NUP210L: variants seen among roughly 807,000 people sequenced by gnomAD.
NUP210L encodes the protein nucleoporin 210 like, also known as nuclear pore membrane glycoprotein 210-like.
NUP210L carries 74 observed loss-of-function variants against 208.5 expected under a neutral mutation model. That is an observed-to-expected ratio of 0.35 (90% CI 0.29 to 0.43). The LOEUF (loss-of-function observed/expected upper bound fraction) is 0.43. NUP210L is among the 20% of genes least tolerant of loss of function. The pLI is 1.00. For synonymous variants in NUP210L, 780 were observed against 816.9 expected (o/e 0.95, Z 0.77); for missense variants, 1,843 against 2,289.4 (o/e 0.81, Z 3.98).
exon 36 of NUP210L, chr1:154,001,826 T>G: frequency 6.2e-7 from 1 of 1,614,158 alleles, no homozygotes; most frequent in Non-Finnish European, 8.5e-7. Flanking sequence ...CTGGTTAATA[T>G]AAAAGGCTGG....
At chr1:154,001,407 A>C (rs1650205162) in intron 36 of NUP210L, among the ~76,000 whole-genome samples, 1 of 152,180 alleles carries the variant, frequency 6.6e-6, no homozygotes. Context: ...CATGTTGGCC[A>C]GGATGGTCTT....
chr1:154,100,919 T>A (rs1473215673), intron 13 of NUP210L, among the ~76,000 whole-genome samples: 1 of 152,012 alleles, frequency 6.6e-6, no homozygotes, highest in African/African-American at 2.4e-5. Context: ...ATGCCTATAA[T>A]CCCAACACTT....
exon 22 of NUP210L, chr1:154,058,193 T>C (rs1218243950): frequency 6.2e-7 from 1 of 1,614,014 alleles, no homozygotes; most frequent in Admixed American, 1.7e-5. Flanking sequence ...TCACAGTCAC[T>C]AACACAGTTT....
intron 10 of NUP210L, among the ~76,000 whole-genome samples, chr1:154,125,538 C>T (rs1163397957): frequency 3.3e-5 from 5 of 149,706 alleles, no homozygotes; most frequent in African/African-American, 1.2e-4. Flanking sequence ...GGGAGGATTG[C>T]TTGAGCCTGG....
chr1:154,144,466 C>T (rs1475175184), intron 2 of NUP210L, among the ~76,000 whole-genome samples: 1 of 152,056 alleles, frequency 6.6e-6, no homozygotes, highest in Non-Finnish European at 1.5e-5. Context: ...TGGGAACCAC[C>T]GTATTAGATC....
chr1:154,058,614 T>C lies in NUP210L; in HGVS notation c.2930A>G (p.His977Arg), dbSNP rs148883673. Reference sequence around the variant, plus strand: ...CTCTTGTATGTCTGACACCCTGAGGTGGGCTGTTGCTGGACCCAAGAAAGC... The same window carrying C: ...CTCTTGTATGTCTGACACCCTGAGGCGGGCTGTTGCTGGACCCAAGAAAGC... The change falls in exon 21 of 40, where the codon CAC becomes CGC. Residue 977 changes from histidine (H) to arginine (R), a missense_variant. His to Arg is a conservative substitution (Grantham distance 29). Transcript: ENST00000368559. 4.8e-5 allele frequency: 78 copies of C among 1,614,030 alleles called. No homozygotes were observed. The Admixed American group carries it at 1.3e-3, about 26-fold the overall frequency.
intron 12 of NUP210L, among the ~76,000 whole-genome samples, chr1:154,113,245 C>T (rs1288312484): frequency 6.8e-6 from 1 of 147,944 alleles, no homozygotes; most frequent in Admixed American, 6.8e-5. Flanking sequence ...TACACATGAA[C>T]ATATATAAAT....
intron 9 of NUP210L, 53 bp from the exon 10 acceptor site, chr1:154,126,516 A>C (rs1055616034): frequency 1.9e-5 from 28 of 1,482,814 alleles, no homozygotes; most frequent in Non-Finnish European, 2.5e-5. Flanking sequence ...CTTTCCCTGA[A>C]GTCATCTTAA....
Position 154,104,103 on chromosome 1 carries a change from C to T in NUP210L, c.1728G>A (p.Glu576=), listed in dbSNP as rs529694201. The change falls in exon 13 of 40, where the codon GAG becomes GAA. Residue 576 remains glutamate, a synonymous_variant. Coordinates refer to ENST00000368559, the Ensembl canonical transcript of NUP210L. ...CTGTGAATGCCATGGCTTCTTTGGT[C>T]TCTTTATTTATGTGATACATTGCAA... 2.5e-6 allele frequency: 4 copies of T among 1,614,026 alleles called. No individual in the cohort carries two copies. In the Admixed American group the frequency reaches 5.0e-5, roughly 20 times the overall value.
At position 154,134,741 on chromosome 1, in the gene NUP210L, A is replaced by AAAAAG. The variant is rs1482031599; in HGVS notation, c.1009+1072_1009+1073insCTTTT. On this transcript the variant is annotated intron_variant, in intron 7 of 39. Transcript: ENST00000368559. Reference sequence around the variant, plus strand: ...GACAGCGAGACTCCGTCTCAAAAAAAAAAAAAAAAAAAAGATGGAGTTTTG... The same window carrying AAAAAG: ...GACAGCGAGACTCCGTCTCAAAAAAAAAAAGAAAAAAAAAAAAAGATGGAGTTTTG... Among the ~76,000 whole-genome samples, 28 of 148,168 alleles carry AAAAAG rather than the reference A, an allele frequency of 1.9e-4. 1 individual carries two copies. The highest frequency in any genetic ancestry group is 6.2e-4 in the African/African-American group (25 of 40,422).
At chr1:153,993,788 C>T (rs1649642870) in intron 38 of NUP210L, among the ~76,000 whole-genome samples, 1 of 152,080 alleles carries the variant, frequency 6.6e-6, no homozygotes, top group South Asian at 2.1e-4. Context: ...ATTCCAGCTA[C>T]TCGAGAGGCT....
At chr1:154,077,566 C>A in intron 16 of NUP210L, among the ~76,000 whole-genome samples, 1 of 151,920 alleles carries the variant, frequency 6.6e-6, no homozygotes, top group East Asian at 1.9e-4. Flanking sequence ...AATGAAAGGT[C>A]ACTAGACAAT....
chr1:154,050,270 C>G (rs1042201074), intron 25 of NUP210L, among the ~76,000 whole-genome samples: 1 of 152,170 alleles, frequency 6.6e-6, no homozygotes, highest in Non-Finnish European at 1.5e-5. Context: ...ATATGACCTG[C>G]TCTAGGCATT....
chr1:154,007,964 T>C (rs982085703), intron 35 of NUP210L, among the ~76,000 whole-genome samples: 1 of 150,530 alleles, frequency 6.6e-6, no homozygotes, highest in Non-Finnish European at 1.5e-5. Flanking sequence ...CTCTGCCTCC[T>C]GGATTCAAGT....
At chr1:154,029,130 G>A (rs1652070519) in intron 28 of NUP210L, among the ~76,000 whole-genome samples, 3 of 151,528 alleles carry the variant, frequency 2.0e-5, no homozygotes, top group Non-Finnish European at 2.9e-5. Flanking sequence ...TGTAATCCCA[G>A]CACTTTGGGA....
intron 10 of NUP210L, among the ~76,000 whole-genome samples, chr1:154,124,268 T>C (rs904209345): frequency 1.3e-5 from 2 of 149,938 alleles, no homozygotes; most frequent in Non-Finnish European, 3.0e-5. Flanking sequence ...GCATTTAGAA[T>C]TGACATGGCA....
At chr1:154,067,007 A>G (rs1435456139) in intron 17 of NUP210L, among the ~76,000 whole-genome samples, 1 of 152,216 alleles carries the variant, frequency 6.6e-6, no homozygotes, top group Admixed American at 6.5e-5. Flanking sequence ...GAATTCTACC[A>G]GAGGTACAAG....
intron 14 of NUP210L, among the ~76,000 whole-genome samples, chr1:154,098,068 C>T (rs911778508): frequency 6.6e-6 from 1 of 152,220 alleles, no homozygotes; most frequent in African/African-American, 2.4e-5. Flanking sequence ...GCATGGGGTC[C>T]AGCCACTGCA....
intron 12 of NUP210L, chr1:154,104,502 C>T (rs535882216): frequency 4.5e-4 from 158 of 348,572 alleles, no homozygotes; most frequent in South Asian, 4.3e-3. Flanking sequence ...GCAGCAGCCA[C>T]ATGGGGCAGA....
Sources: gnomAD v4.1 joint callset for allele counts (sites outside exome capture counted in the v4.1 genomes callset) on GRCh38, gnomAD v4.1.1 for gene constraint, MANE v1.5 for transcripts, NCBI Gene and HGNC (gene_info 2026-07-23, HGNC 2026-07-21) for gene names.